AVEN: variants seen among roughly 807,000 people sequenced by gnomAD.
AVEN encodes apoptosis and caspase activation inhibitor.
A neutral mutation model predicts 38.1 loss-of-function variants in AVEN; 41 were observed. That is an observed-to-expected ratio of 1.08 (90% CI 0.84 to 1.40). The LOEUF is 1.40. AVEN is among the 40% of genes most tolerant of loss of function. AVEN has a pLI of 0.00. For missense variants in AVEN, 605 were observed against 438.8 expected (o/e 1.38, Z -3.38); for synonymous variants, 206 against 171.8 (o/e 1.20, Z -1.56).
chr15:33,992,548 A>G (rs2140575901), intron 2 of AVEN, among the ~76,000 whole-genome samples: 1 of 152,318 alleles, frequency 6.6e-6, no homozygotes, highest in South Asian at 2.1e-4. Context: ...TTTTTAATTT[A>G]TAGTTCTGTT....
intron 2 of AVEN, among the ~76,000 whole-genome samples, chr15:33,958,063 T>C (rs1895023045): frequency 6.6e-6 from 1 of 152,262 alleles, no homozygotes; most frequent in South Asian, 2.1e-4. Context: ...TAAGAACCAC[T>C]ATTCTATAAC....
intron 1 of AVEN, 88 bp from the exon 2 acceptor site, chr15:34,003,297 A>G (rs1171505446): frequency 2.6e-6 from 3 of 1,165,258 alleles, no homozygotes; most frequent in African/African-American, 3.1e-5. Context: ...GTACATGGAC[A>G]TAACAATAAA....
intron 1 of AVEN, among the ~76,000 whole-genome samples, chr15:34,024,556 A>G (rs868719969): frequency 1.2e-4 from 18 of 151,946 alleles, no homozygotes; most frequent in Admixed American, 2.6e-4. Flanking sequence ...ACAAATTACT[A>G]TAAATAAAAA....
chr15:34,002,930 A>T, intron 2 of AVEN, 102 bp downstream of exon 2: 2 of 1,093,650 alleles, frequency 1.8e-6, no homozygotes, highest in Non-Finnish European at 2.6e-6. Flanking sequence ...CAAAGAACAA[A>T]GGATAAATTG....
At chr15:33,892,387 G>C (rs78580260) in intron 2 of AVEN, among the ~76,000 whole-genome samples, 2 of 152,056 alleles carry the variant, frequency 1.3e-5, no homozygotes, top group Non-Finnish European at 2.9e-5. Context: ...TTAATCCATC[G>C]TGAATTAATT....
intron 1 of AVEN, among the ~76,000 whole-genome samples, chr15:34,036,919 G>C (rs897768096): frequency 6.6e-6 from 1 of 152,100 alleles, no homozygotes; most frequent in African/African-American, 2.4e-5. Context: ...AGACCAGCCT[G>C]ACCAACATGG....
intron 2 of AVEN, among the ~76,000 whole-genome samples, chr15:33,946,361 C>A (rs1894508348): frequency 6.6e-6 from 1 of 152,150 alleles, no homozygotes; most frequent in African/African-American, 2.4e-5. Context: ...CACTCCCCCT[C>A]ATCTCCTGTC....
At chr15:33,888,164 T>C (rs1458702074) in intron 2 of AVEN, among the ~76,000 whole-genome samples, 1 of 152,132 alleles carries the variant, frequency 6.6e-6, no homozygotes, top group Non-Finnish European at 1.5e-5. Context: ...TTAACAAAAA[T>C]TTGTTAAGAG....
downstream of AVEN, chr15:33,865,348 A>T: frequency 2.9e-6 from 2 of 688,502 alleles, no homozygotes; most frequent in South Asian, 2.0e-5. Flanking sequence ...CTTAAAAAAA[A>T]AACTGCTGAA....
At chr15:33,899,281 CA>C (rs1892380130) in intron 2 of AVEN, among the ~76,000 whole-genome samples, 3 of 151,974 alleles carry the variant, frequency 2.0e-5, no homozygotes, top group Non-Finnish European at 4.4e-5. Flanking sequence ...TACTGATGCT[CA>C]AACTGAATTT....
chr15:33,853,702 TC>T, the AVEN span: 1 of 1,608,448 alleles, frequency 6.2e-7, no homozygotes, highest in Admixed American at 1.7e-5. Flanking sequence ...GCTTAGGAGT[TC>T]AAATCCAAAG....
intron 2 of AVEN, among the ~76,000 whole-genome samples, chr15:33,902,621 C>G (rs1892536724): frequency 6.6e-6 from 1 of 152,208 alleles, no homozygotes; most frequent in Non-Finnish European, 1.5e-5. Flanking sequence ...ATGCCTTTAT[C>G]TCTATCTGGA....
chr15:34,058,198 T>C (rs572333507), intron 5 of AVEN, among the ~76,000 whole-genome samples: 20 of 152,328 alleles, frequency 1.3e-4, no homozygotes, highest in Middle Eastern at 3.4e-3. Context: ...TAAATTCTAC[T>C]GATTTCAGTA....
chr15:33,867,573 C>G lies in AVEN; in HGVS notation c.895G>C (p.Gly299Arg), dbSNP rs1229182275. ...GTCTGATCTGGTAAGATGTTATCTC[C>G]CTCTTTTATAGGTGCATCTAAATTA... is the stretch of plus-strand genomic sequence containing the variant. ...LLNLDAPIKE[G>R]DNILPDQTSQ... The change falls in exon 5 of 6, where the codon GGA becomes CGA. Residue 299 changes from glycine to arginine, a missense_variant. Physicochemically the swap from Gly to Arg is moderately radical, Grantham distance 125. Coordinates refer to ENST00000306730, the MANE Select transcript of AVEN (RefSeq NM_020371.3). 3 of 1,614,016 alleles carry G rather than the reference C, an allele frequency of 1.9e-6. No homozygotes were observed. Among genetic ancestry groups the G allele is most frequent in the Non-Finnish European group, 2.5e-6 (3 of 1,180,024 alleles).
chr15:33,883,708 G>GC (rs1891586831), intron 2 of AVEN: 1 of 152,010 alleles, frequency 6.6e-6, no homozygotes, highest in Non-Finnish European at 1.5e-5. Flanking sequence ...TTTTCCTTTT[G>GC]ACACAATACA....
At chr15:34,046,470 T>C (rs1035049908) in intron 5 of AVEN, 5 of 152,202 alleles carry the variant, frequency 3.3e-5, no homozygotes, top group African/African-American at 1.2e-4. Context: ...GATTCAAATG[T>C]TACTGCACAT....
At chr15:34,043,076 T>C (rs1040784840), upstream of AVEN, among the ~76,000 whole-genome samples, 1 of 151,814 alleles carries the variant, frequency 6.6e-6, no homozygotes, top group African/African-American at 2.4e-5. Flanking sequence ...TGAAACCCCG[T>C]CTCTACTGAA....
At chr15:33,983,965 G>A (rs1374910871) in intron 2 of AVEN, among the ~76,000 whole-genome samples, 1 of 151,358 alleles carries the variant, frequency 6.6e-6, no homozygotes, top group Non-Finnish European at 1.5e-5. Flanking sequence ...CAAATTAAGG[G>A]ACATTCTACA....
chr15:33,934,400 T>C (rs77390779), intron 2 of AVEN, among the ~76,000 whole-genome samples: 74 of 152,280 alleles, frequency 4.9e-4, no homozygotes, highest in Admixed American at 1.8e-3. Context: ...AAGCAATTCT[T>C]CTAGCAACCA....
Sources: allele counts gnomAD v4.1 joint callset (sites outside exome capture counted in the v4.1 genomes callset), GRCh38; gene constraint gnomAD v4.1.1; transcripts MANE v1.5; gene names NCBI Gene and HGNC (gene_info 2026-07-23, HGNC 2026-07-21).